CDH4: variants seen among roughly 807,000 people sequenced by gnomAD.
CDH4 encodes the protein cadherin-4.
Under a neutral mutation model 86.0 loss-of-function variants are expected in CDH4, and 33 were observed. The ratio of observed to expected loss-of-function variants is 0.38; its 90% CI spans 0.29 to 0.51. The LOEUF (loss-of-function observed/expected upper bound fraction) is 0.51, where lower values mean the gene tolerates loss of function less well. Ranked by LOEUF, CDH4 falls within the 20% of genes least tolerant of loss-of-function variation. The pLI is 0.86. For synonymous variants in CDH4, 555 were observed against 549.4 expected (o/e 1.01, Z -0.14); for missense variants, 1,114 against 1,307.4 (o/e 0.85, Z 2.28).
At position 61,754,053 on chromosome 20, in the gene CDH4, G is replaced by A. The variant is rs1312723136; in HGVS notation, c.396+10264G>A. 2.0e-5 allele frequency among the ~76,000 whole-genome samples: 3 copies of A among 152,222 alleles called. No homozygotes were observed. Among genetic ancestry groups the A allele is most frequent in the Non-Finnish European group, 4.4e-5 (3 of 68,030 alleles). On this transcript the variant is annotated intron_variant, in intron 3 of 15. Coordinates refer to ENST00000614565, the MANE Select transcript of CDH4 (RefSeq NM_001794.5). This position sits in a 1 kb window ranked among gnomAD's most constrained non-coding sequence, Gnocchi z 4.7. ...AGAAGTCCTGTGAAGATGAGGCAGA[G>A]AGCTGGGGGATGCCTTCAAAAGCCA...
intron 4 of CDH4, among the ~76,000 whole-genome samples, chr20:61,824,857 C>T (rs1156736975): frequency 6.6e-6 from 1 of 152,302 alleles, no homozygotes; most frequent in Non-Finnish European, 1.5e-5. Flanking sequence ...CTCCTAAGAC[C>T]ACAAAGTGAA....
chr20:61,253,788 G>A (rs2084080235), intron 1 of CDH4, among the ~76,000 whole-genome samples: 1 of 152,164 alleles, frequency 6.6e-6, no homozygotes, highest in African/African-American at 2.4e-5. Context: ...TCCGGGCTGG[G>A]GGCGGCCTCC....
At chr20:61,381,671 C>A (rs1018944613) in intron 2 of CDH4, among the ~76,000 whole-genome samples, 1 of 152,072 alleles carries the variant, frequency 6.6e-6, no homozygotes, top group Non-Finnish European at 1.5e-5. Context: ...AGTTAACCCC[C>A]CCACCTAAGG....
chr20:61,293,848 C>A (rs559734566), intron 2 of CDH4, among the ~76,000 whole-genome samples: 1 of 152,302 alleles, frequency 6.6e-6, no homozygotes, highest in African/African-American at 2.4e-5. Context: ...ACCAGGGTGG[C>A]ATCCTGGGGT....
chr20:61,637,534 G>A (rs2086959900), intron 2 of CDH4, among the ~76,000 whole-genome samples: 1 of 152,204 alleles, frequency 6.6e-6, no homozygotes, highest in Admixed American at 6.5e-5. Context: ...CCAAGAAGCT[G>A]TCCTGTCACT....
At chr20:61,818,185 A>G (rs924334759) in intron 4 of CDH4, among the ~76,000 whole-genome samples, 3 of 152,138 alleles carry the variant, frequency 2.0e-5, no homozygotes, top group African/African-American at 7.2e-5. Flanking sequence ...ACACACCACT[A>G]CGCCTCTTAT....
rs893602755 is a variant in CDH4 at position 61,517,206 on chromosome 20, T to A, written c.170-226357T>A. 2.0e-5 allele frequency among the ~76,000 whole-genome samples: 3 copies of A among 152,166 alleles called. No individual in the cohort carries two copies. Among genetic ancestry groups the A allele is most frequent in the African/African-American group, 7.2e-5 (3 of 41,436 alleles). On this transcript the variant is annotated intron_variant, in intron 2 of 15. Coordinates refer to ENST00000614565, the MANE Select transcript of CDH4 (RefSeq NM_001794.5). This position sits in a 1 kb window ranked among gnomAD's most constrained non-coding sequence, Gnocchi z 6.6. ...TCGGGTAAATGGAATCCCTTTTTGT[T>A]TTTAGAAATGAGATCTCACTCTGTT... is the stretch of plus-strand genomic sequence containing the variant.
chr20:61,710,584 C>T (rs763962812), intron 2 of CDH4, among the ~76,000 whole-genome samples: 1 of 152,220 alleles, frequency 6.6e-6, no homozygotes, highest in East Asian at 1.9e-4. Flanking sequence ...CTCCACAGCC[C>T]CTGCCTCTGG....
intron 8 of CDH4, among the ~76,000 whole-genome samples, chr20:61,904,569 C>T (rs1422265363): frequency 3.9e-5 from 6 of 152,216 alleles, no homozygotes; most frequent in Non-Finnish European, 7.3e-5. Context: ...CTGGTCATTA[C>T]AGCAGCAGGT....
At chr20:61,616,427 C>T (rs895700139) in intron 2 of CDH4, among the ~76,000 whole-genome samples, 19 of 152,186 alleles carry the variant, frequency 1.2e-4, no homozygotes, top group Non-Finnish European at 2.4e-4. Flanking sequence ...CAGTCCATAG[C>T]GCCTTCTTTC....
At position 61,906,114 on chromosome 20, in the gene CDH4, T is replaced by C. The variant is rs569277870; in HGVS notation, c.1189-4308T>C. ...CCGCCAGAACTGACCCCTAATTGGC[T>C]GACTTAGGTCATTAGCCTATTTCAA... On this transcript the variant is annotated intron_variant, in intron 8 of 15. Transcript: ENST00000614565. Among the ~76,000 whole-genome samples the C allele has an allele frequency of 3.9e-4, 60 of 152,368 alleles. 1 individual carries two copies. The South Asian group carries it at 0.012, about 31-fold the overall frequency.
At chr20:61,620,874 C>G (rs923007328) in intron 2 of CDH4, among the ~76,000 whole-genome samples, 23 of 152,316 alleles carry the variant, frequency 1.5e-4, no homozygotes, top group African/African-American at 5.1e-4. Flanking sequence ...GCCCATTTTC[C>G]CAGCGCCTCC....
intron 2 of CDH4, among the ~76,000 whole-genome samples, chr20:61,426,910 G>C (rs1296771607): frequency 1.3e-5 from 2 of 152,234 alleles, no homozygotes; most frequent in Non-Finnish European, 2.9e-5. Context: ...TGTTAAACCA[G>C]CTGTATAGTC....
At chr20:61,620,171 T>TGGGTGGGTGGATGGATGGATGGATGGAC (rs1555814975) in intron 2 of CDH4, among the ~76,000 whole-genome samples, 5 of 57,954 alleles carry the variant, frequency 8.6e-5, no homozygotes, top group Admixed American at 4.4e-4. Flanking sequence ...GATGGATGGA[T>TGGGTGGGTGGATGGATGGATGGATGGAC]GGATGGGTGG....
At chr20:61,690,024 C>T (rs2087635663) in intron 2 of CDH4, among the ~76,000 whole-genome samples, 1 of 147,240 alleles carries the variant, frequency 6.8e-6, no homozygotes, top group African/African-American at 2.6e-5. Context: ...CGGGTGGGGA[C>T]ACTGGTTGGT....
chr20:61,550,501 T>TC (rs1165993377), intron 2 of CDH4, among the ~76,000 whole-genome samples: 6 of 152,310 alleles, frequency 3.9e-5, no homozygotes, highest in African/African-American at 1.2e-4. Context: ...TCTGCCAGCT[T>TC]CCAGGGCTCC....
intron 2 of CDH4, among the ~76,000 whole-genome samples, chr20:61,652,127 C>T (rs150456195): frequency 2.0e-5 from 3 of 152,322 alleles, no homozygotes; most frequent in Non-Finnish European, 2.9e-5. Flanking sequence ...CACGTGCCAG[C>T]GCTTTTAATG....
chr20:61,299,067 TG>T (rs1230572241), intron 2 of CDH4, among the ~76,000 whole-genome samples: 1 of 151,838 alleles, frequency 6.6e-6, no homozygotes, highest in Non-Finnish European at 1.5e-5. Context: ...TGATCATATC[TG>T]GAAAAAAAAT....
At chr20:61,821,388 A>C (rs963924914) in intron 4 of CDH4, among the ~76,000 whole-genome samples, 4 of 5,996 alleles carry the variant, frequency 6.7e-4, no homozygotes, top group African/African-American at 1.6e-3. Context: ...CGCAGCCCCC[A>C]CCCCAGCCCA....
Sources: allele counts gnomAD v4.1 joint callset (sites outside exome capture counted in the v4.1 genomes callset), GRCh38; gene constraint gnomAD v4.1.1; non-coding constraint Gnocchi (gnomAD v3.1); transcripts MANE v1.5; gene names NCBI Gene and HGNC (gene_info 2026-07-23, HGNC 2026-07-21).